The following PBRM1 variants were observed in gnomAD, a reference collection of about 807,000 sequenced individuals.
PBRM1 encodes the protein polybromo 1.
A neutral mutation model predicts 194.5 loss-of-function variants in PBRM1; 27 were observed. That is an observed-to-expected ratio of 0.14 (90% confidence interval 0.10 to 0.19). The LOEUF (loss-of-function observed/expected upper bound fraction) is 0.19. Among genes scored for constraint, PBRM1 ranks in the 10% least tolerant of loss-of-function variants. The pLI is 1.00. For synonymous variants in PBRM1, 655 were observed against 693.2 expected, an observed-to-expected ratio of 0.94 and a Z score of 0.87; for missense variants, 1,466 against 2,077.2, an observed-to-expected ratio of 0.71 and a Z score of 5.72.
At chr3:52,680,690 G>A (rs540164256), upstream of PBRM1, among the ~76,000 whole-genome samples, 20 of 151,512 alleles carry the variant, frequency 1.3e-4, no homozygotes, top group East Asian at 7.8e-4. Context: ...GTGGAGTCTC[G>A]CTCTGTCACC....
At chr3:52,651,648 A>T in intron 6 of PBRM1, 94 bp downstream of exon 7, 1 of 617,850 alleles carries the variant, frequency 1.6e-6, no homozygotes, top group Non-Finnish European at 2.8e-6. Flanking sequence ...CCTTACAGAG[A>T]CAACTAGCTT....
intron 15 of PBRM1, among the ~76,000 whole-genome samples, chr3:52,611,645 A>G (rs2094614422): frequency 6.6e-6 from 1 of 152,086 alleles, no homozygotes; most frequent in African/African-American, 2.4e-5. Flanking sequence ...TCTACTAAAA[A>G]TACAAAAAAA....
At chr3:52,578,911 G>A in intron 21 of PBRM1, 143 bp downstream of exon 23, 1 of 772,278 alleles carries the variant, frequency 1.3e-6, no homozygotes, top group East Asian at 2.5e-5. Context: ...AAGAAAGTGT[G>A]GTTGGAGGGG....
At position 52,629,106 on chromosome 3, in the gene PBRM1, A is replaced by G. The variant is rs374659234; in HGVS notation, c.1302-71T>C. The stretch of plus-strand genomic sequence containing the variant: ...ATGAAACATTCTTCCTGAAAGTCCA[A>G]TGCAAAATCTTGACAAGCACTACAT... On this transcript the variant is annotated intron_variant, in intron 11 of 29. Coordinates refer to ENST00000296302, the Ensembl canonical transcript of PBRM1. The G allele has an allele frequency of 2.9e-5, 36 of 1,246,436 alleles. No homozygotes were observed. The East Asian group carries it at 3.4e-4, about 12-fold the overall frequency. The allele number at this position is 1,246,436 out of a possible 1,614,324, so 77.2% of individuals were successfully genotyped here.
chr3:52,593,610 G>A (rs2093306587), intron 17 of PBRM1, among the ~76,000 whole-genome samples: 1 of 152,186 alleles, frequency 6.6e-6, no homozygotes, highest in Admixed American at 6.5e-5. Flanking sequence ...CTGTGTCCCA[G>A]AGATTCTGGT....
chr3:52,579,422 C>T (rs2090521870), intron 20 of PBRM1, among the ~76,000 whole-genome samples: 1 of 152,012 alleles, frequency 6.6e-6, no homozygotes, highest in Non-Finnish European at 1.5e-5. Context: ...CTTGTCTCAA[C>T]TGAAGAAAGA....
In PBRM1 at chr3:52,549,607, CACA is replaced by C. The variant is rs1181101357; in HGVS notation, c.4897+811_4897+813del. ...GGCTTTGAAATTTGGCAAAAAAAAC[CACA>C]ACAACACTTTTAGGCAGGGCGCTGT... On this transcript the variant is annotated intron_variant, in intron 29 of 29. Transcript: ENST00000296302. Among the ~76,000 whole-genome samples the C allele has an allele frequency of 3.3e-5, 5 of 152,116 alleles. No individual in the cohort carries two copies. The East Asian group carries it at 7.7e-4, about 23-fold the overall frequency.
chr3:52,677,232 A>C (rs1036775154), intron 2 of PBRM1, among the ~76,000 whole-genome samples: 1 of 152,148 alleles, frequency 6.6e-6, no homozygotes, highest in Admixed American at 6.5e-5. Flanking sequence ...CCTTTTGTAC[A>C]TCTAAGGACA....
intron 20 of PBRM1, among the ~76,000 whole-genome samples, chr3:52,583,679 C>G (rs1027143087): frequency 2.2e-4 from 34 of 151,818 alleles, no homozygotes; most frequent in African/African-American, 7.7e-4. Flanking sequence ...TTTTATTAAC[C>G]TTGTATTTTC....
intron 22 of PBRM1, among the ~76,000 whole-genome samples, chr3:52,568,059 A>G (rs966832802): frequency 1.3e-5 from 2 of 150,810 alleles, no homozygotes; most frequent in Admixed American, 6.6e-5. Flanking sequence ...GCTCACTGCA[A>G]CCTCTGCCTC....
chr3:52,629,988 AAACAAC>A (rs1342590849), intron 11 of PBRM1, among the ~76,000 whole-genome samples: 1 of 152,210 alleles, frequency 6.6e-6, no homozygotes, highest in Non-Finnish European at 1.5e-5. Context: ...GTGACAAAGC[AAACAAC>A]AACTAAGCAC....
chr3:52,657,741 A>G (rs1200421535), intron 5 of PBRM1, among the ~76,000 whole-genome samples: 1 of 149,592 alleles, frequency 6.7e-6, no homozygotes, highest in Non-Finnish European at 1.5e-5. Context: ...AAGTGCTGGG[A>G]TTACAGGCGT....
At chr3:52,607,615 G>A (rs948104896) in intron 16 of PBRM1, among the ~76,000 whole-genome samples, 1 of 152,172 alleles carries the variant, frequency 6.6e-6, no homozygotes, top group Non-Finnish European at 1.5e-5. Flanking sequence ...AGGAAGGGAG[G>A]GGTATTAGAC....
chr3:52,683,143 C>T (rs2097238398), upstream of PBRM1, among the ~76,000 whole-genome samples: 1 of 151,746 alleles, frequency 6.6e-6, no homozygotes, highest in African/African-American at 2.4e-5. Flanking sequence ...GCGGAGGTTG[C>T]AGTGAGCCGA....
upstream of PBRM1, chr3:52,681,190 AC>A (rs971035753): frequency 6.6e-6 from 1 of 151,814 alleles, no homozygotes; most frequent in Non-Finnish European, 1.5e-5. Context: ...ACAGGAGAAC[AC>A]TGGTTGCCAG....
At chr3:52,642,729 T>G (rs1397220512) in intron 9 of PBRM1, among the ~76,000 whole-genome samples, 2 of 151,958 alleles carry the variant, frequency 1.3e-5, no homozygotes, top group African/African-American at 4.8e-5. Flanking sequence ...ACTGCCTGCC[T>G]GAGAAACAAT....
At chr3:52,579,147 T>G (rs2153686534) in exon 21 of PBRM1, 2 of 1,613,924 alleles carry the variant, frequency 1.2e-6, no homozygotes, top group Non-Finnish European at 1.7e-6. Context: ...CTGCTCAAAG[T>G]AGTGGCAACC....
In PBRM1 at chr3:52,662,294, GA is replaced by G. The variant is rs758227657; in HGVS notation, c.385-19del. ...GAATCTGGCTGTATGTTAGCAAAGA[GA>G]AAAAAAAAAACACTTTAGTAATGTA... is the stretch of plus-strand genomic sequence containing the variant. On this transcript the variant is annotated intron_variant, in intron 3 of 29. Coordinates refer to ENST00000296302, the Ensembl canonical transcript of PBRM1. 11,360 of 1,151,674 alleles carry G rather than the reference GA, an allele frequency of 9.9e-3. 1 individual carries two copies. Among genetic ancestry groups the G allele is most frequent in the South Asian group, 0.018 (1,011 of 56,954 alleles). The allele number at this position is 1,151,674 out of a possible 1,614,324, so 71.3% of individuals were successfully genotyped here.
chr3:52,634,988 C>A (rs969976998), intron 10 of PBRM1, among the ~76,000 whole-genome samples, 173 bp from the exon 12 acceptor site: 1 of 152,110 alleles, frequency 6.6e-6, no homozygotes, highest in Admixed American at 6.6e-5. Context: ...TGCAAGGGTG[C>A]GATCTTGGCT....
Sources: gnomAD v4.1 joint callset for allele counts (sites outside exome capture counted in the v4.1 genomes callset) on GRCh38, gnomAD v4.1.1 for gene constraint, MANE v1.5 for transcripts, NCBI Gene and HGNC (gene_info 2026-07-23, HGNC 2026-07-21) for gene names.